NRK: variants seen among roughly 807,000 people sequenced by gnomAD.
NRK encodes Nik related kinase.
NRK carries 67 observed loss-of-function variants against 125.2 expected under a neutral mutation model. That is an observed-to-expected ratio of 0.54 (90% confidence interval 0.44 to 0.66). The LOEUF is 0.66. Among genes scored for constraint, NRK ranks in the 30% least tolerant of loss-of-function variants. The pLI is 0.00. For missense variants in NRK, 1,224 were observed against 1,192.9 expected (o/e 1.03, Z -0.38); for synonymous variants, 458 against 429.0 (o/e 1.07, Z -0.84).
At chrX:105,916,428 C>G (rs1371243309) in intron 15 of NRK, among the ~76,000 whole-genome samples, 1 of 110,395 alleles carries the variant, frequency 9.1e-6, no homozygotes, top group Non-Finnish European at 1.9e-5. Flanking sequence ...AAATCTCACC[C>G]CCTCCAGCCC....
At chrX:105,891,634 C>T (rs986660346) in intron 5 of NRK, among the ~76,000 whole-genome samples, 2 of 111,394 alleles carry the variant, frequency 1.8e-5, no homozygotes, top group Non-Finnish European at 3.8e-5. Flanking sequence ...TCCCAGAGAG[C>T]CTGATAAAAC....
chrX:105,833,627 G>A (rs1449213008), intron 2 of NRK, among the ~76,000 whole-genome samples: 1 of 111,465 alleles, frequency 9.0e-6, no homozygotes, highest in Non-Finnish European at 1.9e-5. Flanking sequence ...ACCAAAAGAA[G>A]AAAAGTAAGA....
intron 6 of NRK, 74 bp from the exon 7 acceptor site, chrX:105,895,359 G>A: frequency 1.3e-6 from 1 of 766,620 alleles, no homozygotes; most frequent in South Asian, 2.2e-5. Context: ...ACTAAGAACT[G>A]TACCAGAAAG....
chrX:105,856,909 T>A (rs1322314525), intron 2 of NRK, among the ~76,000 whole-genome samples: 1 of 111,436 alleles, frequency 9.0e-6, no homozygotes, highest in African/African-American at 3.3e-5. Context: ...ACCTCTCAAT[T>A]TTTTCATCTG....
At chrX:105,832,662 C>A (rs1354484674) in intron 2 of NRK, among the ~76,000 whole-genome samples, 1 of 110,864 alleles carries the variant, frequency 9.0e-6, no homozygotes, top group Non-Finnish European at 1.9e-5. Flanking sequence ...TACATCTACC[C>A]AGAGGGGCTT....
At chrX:105,895,293 T>A in intron 6 of NRK, 140 bp from the exon 7 acceptor site, 1 of 548,568 alleles carries the variant, frequency 1.8e-6, no homozygotes, top group Non-Finnish European at 3.3e-6. Context: ...AAGAAAGAAT[T>A]GTGTCTGAAA....
At chrX:105,864,899 C>A (rs1397080061) in intron 2 of NRK, among the ~76,000 whole-genome samples, 2 of 110,980 alleles carry the variant, frequency 1.8e-5, no homozygotes, top group Admixed American at 9.6e-5. Context: ...TATCCCACCC[C>A]AACAGTTTGG....
chrX:105,878,273 A>G (rs1260322263), intron 2 of NRK, among the ~76,000 whole-genome samples: 1 of 111,038 alleles, frequency 9.0e-6, no homozygotes, highest in Non-Finnish European at 1.9e-5. Context: ...AGGGTATCCA[A>G]CATACTCAAT....
At chrX:105,822,290 G>A (rs2147623572), upstream of NRK, among the ~76,000 whole-genome samples, 1 of 108,797 alleles carries the variant, frequency 9.2e-6, no homozygotes, top group South Asian at 4.1e-4. Context: ...CGGGGGCAGG[G>A]GCGGCTGGCG....
At chrX:105,882,616 C>G (rs1185602404) in intron 4 of NRK, among the ~76,000 whole-genome samples, 2 of 111,356 alleles carry the variant, frequency 1.8e-5, no homozygotes, top group East Asian at 5.7e-4. Context: ...CATTTTGTGA[C>G]TTAGTAAATA....
At chrX:105,875,048 G>T (rs1602629629) in intron 2 of NRK, among the ~76,000 whole-genome samples, 1 of 111,421 alleles carries the variant, frequency 9.0e-6, no homozygotes, top group Non-Finnish European at 1.9e-5. Flanking sequence ...TCCTTCACAT[G>T]GTAGCATATA....
chrX:105,909,143 A>G lies in NRK; in HGVS notation c.1502A>G (p.Gln501Arg). Reference sequence around the variant, plus strand: ...GTACAGTCCCAGGTATCCAAAAAGCAGCAGGCCCAGACCCAGACATCAGAA... The same window carrying G: ...GTACAGTCCCAGGTATCCAAAAAGCGGCAGGCCCAGACCCAGACATCAGAA... ...LQVQSQVSKK[Q>R]QAQTQTSEPQ... is the part of the protein sequence containing the mutation. The change falls in exon 13 of 29, where the codon CAG (glutamine) becomes CGG (arginine). Residue 501 changes from glutamine to arginine, a missense_variant. Gln to Arg is a conservative substitution (Grantham distance 43). Transcript: ENST00000243300. 1 of 1,211,634 alleles carries G rather than the reference A, an allele frequency of 8.3e-7. No individual in the cohort carries two copies. Among genetic ancestry groups the G allele is most frequent in the Non-Finnish European group, 1.1e-6 (1 of 895,371 alleles).
rs200343027 is a variant in NRK at position 105,953,128 on chromosome X, C to G, written c.4608C>G (p.Arg1536=). The change falls in exon 28 of 29, where the codon CGC becomes CGG. Residue 1536 remains arginine (R), a synonymous_variant. Transcript: ENST00000243300. Reference sequence around the variant, plus strand: ...GGGTTCTGGAAAGTGAGCTGAAGCGCAGGTCAATTAAGAAGCTGAGATTCC... The same window carrying G: ...GGGTTCTGGAAAGTGAGCTGAAGCGGAGGTCAATTAAGAAGCTGAGATTCC... ...QSRVLESELK[R]RSIKKLRFLC... 6.8e-5 allele frequency: 81 copies of G among 1,194,495 alleles called. No homozygotes were observed. The highest frequency in any genetic ancestry group is 9.0e-5 in the Non-Finnish European group (80 of 885,523).
chrX:105,922,510 C>A (rs2040464987), intron 17 of NRK, among the ~76,000 whole-genome samples: 1 of 111,892 alleles, frequency 8.9e-6, no homozygotes. Flanking sequence ...TTAAATTGTT[C>A]TAATGCAGAT....
rs1263311735 is a variant in NRK at position 105,958,068 on chromosome X, G to A, written c.*2468G>A. On this transcript the variant is annotated 3_prime_UTR_variant, in exon 29 of 29. Coordinates refer to ENST00000243300, the MANE Select transcript of NRK (RefSeq NM_198465.4). ...TGAAAGTTCTGGCAGGTTATGAGCA[G>A]CACTAGGGATAAAGTATGGTTTTAT... 1 of 112,284 alleles carries A rather than the reference G, an allele frequency of 8.9e-6. No homozygotes were observed. Among genetic ancestry groups the A allele is most frequent in the Non-Finnish European group, 1.9e-5 (1 of 53,300 alleles). 9.3% of individuals were successfully genotyped at this position (112,284 alleles called of 1,213,427 possible). A position where few individuals can be genotyped will look rare whatever the true frequency, so the allele number is the denominator to read the frequency against.
At chrX:105,834,977 CTCTG>C (rs755165912) in intron 2 of NRK, among the ~76,000 whole-genome samples, 16 of 111,394 alleles carry the variant, frequency 1.4e-4, no homozygotes, top group Non-Finnish European at 2.5e-4. Flanking sequence ...ATGTTAAATT[CTCTG>C]TCTGATGGAT....
chrX:105,931,334 G>C (rs1012140043), intron 19 of NRK, among the ~76,000 whole-genome samples: 1 of 111,794 alleles, frequency 8.9e-6, no homozygotes, highest in African/African-American at 3.2e-5. Flanking sequence ...ATTCAAGATG[G>C]CACCAGGCTG....
intron 19 of NRK, among the ~76,000 whole-genome samples, chrX:105,929,551 C>T (rs189794005): frequency 9.0e-6 from 1 of 110,528 alleles, no homozygotes; most frequent in African/African-American, 3.3e-5. Flanking sequence ...CCTGTCATTT[C>T]GTTAATTGTT....
intron 11 of NRK, chrX:105,907,726 A>C (rs751129328): frequency 8.9e-6 from 1 of 112,547 alleles, no homozygotes; most frequent in Admixed American, 9.4e-5. Context: ...ATTCAAAATA[A>C]AACTCTTGTT....
Sources: allele counts gnomAD v4.1 joint callset (sites outside exome capture counted in the v4.1 genomes callset), GRCh38; gene constraint gnomAD v4.1.1; transcripts MANE v1.5; gene names NCBI Gene and HGNC (gene_info 2026-07-23, HGNC 2026-07-21).